INPP5D: variants seen among roughly 807,000 people sequenced by gnomAD.
INPP5D encodes the protein phosphatidylinositol 3,4,5-trisphosphate 5-phosphatase 1.
Under a neutral mutation model 122.9 loss-of-function variants are expected in INPP5D, and 33 were observed. The ratio of observed to expected loss-of-function variants is 0.27; its 90% CI spans 0.20 to 0.36. The LOEUF is 0.36. INPP5D is among the 10% of genes least tolerant of loss of function. INPP5D has a pLI of 1.00. For synonymous variants in INPP5D, 584 were observed against 576.2 expected, an observed-to-expected ratio of 1.01 and a Z score of -0.19; for missense variants, 1,053 against 1,412.7, an observed-to-expected ratio of 0.75 and a Z score of 4.08.
In INPP5D at chr2:233,203,685, A is replaced by G. The variant is rs559325646; in HGVS notation, c.2976-441A>G. ...AGTGAGAGGACTGCTTGAAGCGAAGAGTTCAAGACCAGCCTGGGCAATATA... is the reference window on the plus strand; with the variant it reads ...AGTGAGAGGACTGCTTGAAGCGAAGGGTTCAAGACCAGCCTGGGCAATATA... On this transcript the variant is annotated intron_variant, in intron 25 of 26. Transcript: ENST00000445964. 2.0e-5 allele frequency among the ~76,000 whole-genome samples: 3 copies of G among 152,314 alleles called. No individual in the cohort carries two copies. In the East Asian group the frequency reaches 5.8e-4, roughly 29 times the overall value.
At chr2:233,106,592 C>T (rs1243969049) in intron 2 of INPP5D, among the ~76,000 whole-genome samples, 1 of 152,246 alleles carries the variant, frequency 6.6e-6, no homozygotes, top group East Asian at 1.9e-4. Context: ...GGGAAGGGCC[C>T]TTCTGCCACA....
chr2:233,095,041 C>A (rs1692099836), intron 2 of INPP5D, among the ~76,000 whole-genome samples: 1 of 152,154 alleles, frequency 6.6e-6, no homozygotes, highest in Non-Finnish European at 1.5e-5. Context: ...CCTAGGTTAG[C>A]ATTCAACCTA....
chr2:233,129,682 C>A (rs188293525), intron 4 of INPP5D, among the ~76,000 whole-genome samples: 47 of 152,218 alleles, frequency 3.1e-4, no homozygotes, highest in Admixed American at 2.0e-3. Context: ...AGACTCCCCC[C>A]ACAGAGCCTG....
chr2:233,089,907 G>A (rs1691946694), intron 2 of INPP5D, among the ~76,000 whole-genome samples: 1 of 152,210 alleles, frequency 6.6e-6, no homozygotes, highest in South Asian at 2.1e-4. Context: ...CCTCAAGTGG[G>A]AGGAAATGAA....
intron 1 of INPP5D, among the ~76,000 whole-genome samples, chr2:233,068,207 C>T (rs964514347): frequency 6.6e-5 from 10 of 150,674 alleles, no homozygotes; most frequent in Non-Finnish European, 1.3e-4. Context: ...ATTGCTTGAA[C>T]TTGGGAGGCA....
intron 1 of INPP5D, among the ~76,000 whole-genome samples, chr2:233,068,307 G>A (rs1691282484): frequency 1.4e-5 from 2 of 140,002 alleles, no homozygotes; most frequent in Admixed American, 1.4e-4. Context: ...AAAAAATCAT[G>A]CTGGTGATCA....
rs1251991609 is a variant in INPP5D at position 233,082,860 on chromosome 2, C to G, written c.198+3462C>G. Among the ~76,000 whole-genome samples, 2 of 152,232 alleles carry G rather than the reference C, an allele frequency of 1.3e-5. No individual in the cohort carries two copies. The highest frequency in any genetic ancestry group is 2.9e-5 in the Non-Finnish European group (2 of 68,048). On this transcript the variant is annotated intron_variant, in intron 2 of 26. Transcript: ENST00000445964. The surrounding 1 kb of genome is among the most constrained non-coding windows in gnomAD (Gnocchi z 4.7). Reference sequence around the variant, plus strand: ...ACTCACAGCCAGGCCTCCCGGCCTCCCCGGCTAAGCTTTCTTCCTTCCAAT... The same window carrying G: ...ACTCACAGCCAGGCCTCCCGGCCTCGCCGGCTAAGCTTTCTTCCTTCCAAT...
At chr2:233,180,242 G>A (rs1481128514) in intron 18 of INPP5D, among the ~76,000 whole-genome samples, 1 of 152,058 alleles carries the variant, frequency 6.6e-6, no homozygotes, top group African/African-American at 2.4e-5. Flanking sequence ...TGTGGTTACT[G>A]GGAGGAGGAC....
At chr2:233,199,119 T>C (rs575122628) in intron 25 of INPP5D, among the ~76,000 whole-genome samples, 1 of 152,106 alleles carries the variant, frequency 6.6e-6, no homozygotes, top group South Asian at 2.1e-4. Flanking sequence ...GCATGGTGGC[T>C]CACACCTGTA....
At position 233,189,352 on chromosome 2, in the gene INPP5D, AG is replaced by A. The variant is rs1263554082; in HGVS notation, c.2359-494del. 6.6e-6 allele frequency among the ~76,000 whole-genome samples: 1 copy of A among 152,194 alleles called. No individual in the cohort carries two copies. The highest frequency in any genetic ancestry group is 1.5e-5 in the Non-Finnish European group (1 of 68,022). On this transcript the variant is annotated intron_variant, in intron 21 of 26. Transcript: ENST00000445964. This position sits in a 1 kb window ranked among gnomAD's most constrained non-coding sequence, Gnocchi z 5.6. ...CACAGAGGCTGCATCCTCCCTAGAT[AG>A]GGGCAAGCCAGACAGGGGCAGGGCT...
chr2:233,152,001 A>G (rs1693936272), intron 9 of INPP5D, among the ~76,000 whole-genome samples: 1 of 152,222 alleles, frequency 6.6e-6, no homozygotes. Context: ...GCTTCTTTAC[A>G]GTTGGTGCTG....
intron 2 of INPP5D, among the ~76,000 whole-genome samples, chr2:233,085,472 C>A (rs894350388): frequency 2.6e-5 from 4 of 151,956 alleles, no homozygotes; most frequent in African/African-American, 4.8e-5. Flanking sequence ...ATAGAGGCGA[C>A]CCATTTTTTT....
chr2:233,199,557 C>T (rs1039561131), intron 25 of INPP5D, among the ~76,000 whole-genome samples: 6 of 146,574 alleles, frequency 4.1e-5, no homozygotes, highest in African/African-American at 1.5e-4. Context: ...TGGCCAGGTG[C>T]GGTGGTTCAC....
At chr2:233,123,797 C>T (rs13022011) in intron 3 of INPP5D, among the ~76,000 whole-genome samples, 58,050 of 152,006 alleles carry the variant, frequency 0.38, 11,997 homozygotes, top group Non-Finnish European at 0.45. Flanking sequence ...GTAAAAAGAA[C>T]GAGATCATGT....
chr2:233,084,893 C>G (rs987494590), intron 2 of INPP5D, among the ~76,000 whole-genome samples: 7 of 152,252 alleles, frequency 4.6e-5, no homozygotes, highest in Non-Finnish European at 8.8e-5. Context: ...TGCTCTGACA[C>G]TCACCTTCTA....
chr2:233,147,348 G>A, intron 8 of INPP5D, 123 bp from the exon 9 acceptor site: 1 of 631,388 alleles, frequency 1.6e-6, no homozygotes. Context: ...GAGAAGCCCA[G>A]TGGCCCCACG....
At chr2:233,123,755 G>A (rs1693068200) in intron 3 of INPP5D, among the ~76,000 whole-genome samples, 1 of 152,208 alleles carries the variant, frequency 6.6e-6, no homozygotes, top group South Asian at 2.1e-4. Context: ...AGAAAATGTT[G>A]TATATATACA....
intron 2 of INPP5D, among the ~76,000 whole-genome samples, chr2:233,117,671 G>A (rs1360030275): frequency 3.3e-5 from 5 of 152,122 alleles, no homozygotes; most frequent in African/African-American, 7.2e-5. Flanking sequence ...GTCCCTACAT[G>A]TTCTCCCCAA....
At chr2:233,155,134 A>G (rs149294471) in intron 9 of INPP5D, among the ~76,000 whole-genome samples, 93,257 of 151,912 alleles carry the variant, frequency 0.61, 30,053 homozygotes, top group East Asian at 0.98. Flanking sequence ...GGATGAGGAG[A>G]AAGAGAGAAG....
Sources: gnomAD v4.1 joint callset for allele counts (sites outside exome capture counted in the v4.1 genomes callset) on GRCh38, gnomAD v4.1.1 for gene constraint, Gnocchi (gnomAD v3.1) non-coding constraint, MANE v1.5 for transcripts, NCBI Gene and HGNC (gene_info 2026-07-23, HGNC 2026-07-21) for gene names.